Variants in LEKR1 observed in about 807,000 individuals in gnomAD.
LEKR1 encodes the protein leucine, glutamate and lysine rich 1, also known as protein LEKR1.
A neutral mutation model predicts 72.4 loss-of-function variants in LEKR1; 59 were observed. The ratio of observed to expected loss-of-function variants is 0.82; its 90% confidence interval spans 0.66 to 1.01. The LOEUF (loss-of-function observed/expected upper bound fraction) is 1.01, where lower values mean the gene tolerates loss of function less well. Ranked by LOEUF, LEKR1 falls within the 50% of genes least tolerant of loss-of-function variation. The pLI is 0.00. For missense variants in LEKR1, 728 were observed against 759.2 expected (o/e 0.96, Z 0.48); for synonymous variants, 257 against 263.2 (o/e 0.98, Z 0.23).
chr3:157,016,407 A>G (rs1464109564), intron 10 of LEKR1, among the ~76,000 whole-genome samples: 1 of 152,136 alleles, frequency 6.6e-6, no homozygotes, highest in African/African-American at 2.4e-5. Flanking sequence ...GCAAGCAAAA[A>G]GATAGTAGGA....
intron 6 of LEKR1, among the ~76,000 whole-genome samples, chr3:156,974,599 T>C (rs1729529249): frequency 6.6e-6 from 1 of 152,122 alleles, no homozygotes; most frequent in South Asian, 2.1e-4. Flanking sequence ...TCCAAAAAGC[T>C]TTCTTGCCCT....
intron 5 of LEKR1, among the ~76,000 whole-genome samples, chr3:156,940,069 A>T (rs982540679): frequency 7.2e-5 from 11 of 152,280 alleles, no homozygotes; most frequent in African/African-American, 2.6e-4. Flanking sequence ...ATAAACACAT[A>T]TTCAGGATCT....
intron 7 of LEKR1, among the ~76,000 whole-genome samples, chr3:156,988,979 A>G (rs1730935329): frequency 6.6e-6 from 1 of 151,786 alleles, no homozygotes; most frequent in Non-Finnish European, 1.5e-5. Flanking sequence ...TTACAGGTGC[A>G]CACCACCACA....
chr3:157,001,150 A>G (rs1356576665), intron 9 of LEKR1, among the ~76,000 whole-genome samples: 4 of 152,352 alleles, frequency 2.6e-5, no homozygotes, highest in Admixed American at 6.5e-5. Context: ...CAGTGTTAAA[A>G]CATACTATTA....
intron 10 of LEKR1, among the ~76,000 whole-genome samples, chr3:157,024,331 A>G (rs1734047355): frequency 6.6e-6 from 1 of 152,206 alleles, no homozygotes; most frequent in Admixed American, 6.5e-5. Context: ...ACCTCCATCA[A>G]GAAAGGGCCA....
chr3:156,944,648 T>A (rs1726525328), intron 6 of LEKR1, among the ~76,000 whole-genome samples: 1 of 151,794 alleles, frequency 6.6e-6, no homozygotes. Context: ...TTTTTGTAGT[T>A]TCTACAAATA....
chr3:156,842,648 G>T (rs1714082886), intron 2 of LEKR1, among the ~76,000 whole-genome samples: 1 of 152,182 alleles, frequency 6.6e-6, no homozygotes, highest in South Asian at 2.1e-4. Context: ...TGTAAAGGTG[G>T]TAGGGGAGAT....
At chr3:156,946,653 A>T (rs905111204) in intron 6 of LEKR1, among the ~76,000 whole-genome samples, 1 of 151,424 alleles carries the variant, frequency 6.6e-6, no homozygotes, top group Non-Finnish European at 1.5e-5. Context: ...TCACGATGGC[A>T]TGTTGAATTA....
intron 12 of LEKR1, 58 bp from the exon 13 acceptor site, chr3:157,045,282 C>G (rs1158617462): frequency 1.5e-6 from 2 of 1,372,062 alleles, no homozygotes; most frequent in African/African-American, 1.4e-5. Context: ...CCGTAACTAT[C>G]TACTTATGTA....
At chr3:156,981,792 C>T (rs1346324424) in intron 7 of LEKR1, among the ~76,000 whole-genome samples, 1 of 152,192 alleles carries the variant, frequency 6.6e-6, no homozygotes, top group African/African-American at 2.4e-5. Context: ...GAAGTCAAAA[C>T]AGTTCATTCA....
chr3:156,966,333 C>A (rs540106434), intron 6 of LEKR1, among the ~76,000 whole-genome samples: 1 of 152,084 alleles, frequency 6.6e-6, no homozygotes, highest in East Asian at 1.9e-4. Flanking sequence ...GGTGAGGCAT[C>A]GCCTCACCCG....
At position 156,859,639 on chromosome 3, in the gene LEKR1, A is replaced by T. The variant is rs1460170331; in HGVS notation, c.263+6657A>T. Among the ~76,000 whole-genome samples the T allele has an allele frequency of 2.0e-5, 3 of 152,206 alleles. No homozygotes were observed. The South Asian group carries it at 6.2e-4, about 31-fold the overall frequency. On this transcript the variant is annotated intron_variant, in intron 3 of 12. Transcript: ENST00000356539. ...TACATTACGTTTTACTCTTGGTATTATACATTCTAAGGGGTTTGACAAATG... is the reference window on the plus strand; with the variant it reads ...TACATTACGTTTTACTCTTGGTATTTTACATTCTAAGGGGTTTGACAAATG...
chr3:156,982,897 A>G (rs1730348925), intron 7 of LEKR1, among the ~76,000 whole-genome samples: 5 of 150,272 alleles, frequency 3.3e-5, no homozygotes, highest in Admixed American at 2.0e-4. Context: ...ATAGATAGAT[A>G]GATAGATAGA....
rs145577610 is a variant in LEKR1, at chr3:157,021,461, G to T, written c.1204-3299G>T. Among the ~76,000 whole-genome samples the T allele has an allele frequency of 2.0e-5, 3 of 152,180 alleles. No homozygotes were observed. In the East Asian group the frequency reaches 5.8e-4, roughly 29 times the overall value. The stretch of plus-strand genomic sequence containing the variant: ...CATCTTGAATTAATTTTTGTATAAG[G>T]TGTAAGGAAGGGATCCAGTTTCAGC... On this transcript the variant is annotated intron_variant, in intron 10 of 12. Coordinates refer to ENST00000356539, the MANE Select transcript of LEKR1 (RefSeq NM_001004316.3).
At chr3:157,043,639 C>T (rs995528329) in intron 12 of LEKR1, among the ~76,000 whole-genome samples, 5 of 152,160 alleles carry the variant, frequency 3.3e-5, no homozygotes, top group African/African-American at 1.2e-4. Flanking sequence ...CTTTATTCGT[C>T]AGATATAATT....
chr3:156,913,787 A>G (rs979320363), intron 3 of LEKR1, among the ~76,000 whole-genome samples: 1 of 152,188 alleles, frequency 6.6e-6, no homozygotes, highest in African/African-American at 2.4e-5. Context: ...CAAAATAACT[A>G]TTTGCTCACC....
At chr3:156,935,718 A>G (rs1725635300) in intron 5 of LEKR1, among the ~76,000 whole-genome samples, 1 of 152,220 alleles carries the variant, frequency 6.6e-6, no homozygotes, top group South Asian at 2.1e-4. Context: ...GCTTTCCCAT[A>G]GGTTAGCCAC....
chr3:157,011,619 A>G, intron 10 of LEKR1, 113 bp downstream of exon 10: 1 of 722,036 alleles, frequency 1.4e-6, no homozygotes, highest in Non-Finnish European at 2.4e-6. Context: ...CACACTTTAG[A>G]TTCCTTCTGG....
Position 157,011,464 on chromosome 3 carries a change from C to G in LEKR1, c.1161C>G (p.Thr387=). 6.2e-7 allele frequency: 1 copy of G among 1,613,116 alleles called. No individual in the cohort carries two copies. Among genetic ancestry groups the G allele is most frequent in the East Asian group, 2.2e-5 (1 of 44,846 alleles). The change falls in exon 10 of 13, where the codon ACC becomes ACG. Residue 387 remains threonine (T), a synonymous_variant. Coordinates refer to ENST00000356539, the MANE Select transcript of LEKR1 (RefSeq NM_001004316.3). ...AAAGCATCGAGCAGCTGCAAGAAAC[C>G]CTTAGACAGAAGCTGCTGAGTGATG... ...HQKSIEQLQE[T]LRQKLLSDDN... is the part of the protein sequence containing the mutation.
Sources: gnomAD v4.1 joint callset for allele counts (sites outside exome capture counted in the v4.1 genomes callset) on GRCh38, gnomAD v4.1.1 for gene constraint, MANE v1.5 for transcripts, NCBI Gene and HGNC (gene_info 2026-07-23, HGNC 2026-07-21) for gene names.